The following CCDC33 variants were observed in gnomAD, a reference collection of about 807,000 sequenced individuals.
The protein encoded by CCDC33 is coiled-coil domain-containing protein 33.
In CCDC33, 94 loss-of-function variants were observed where a neutral mutation model predicts 91.9. The observed-to-expected ratio is 1.02, with a 90% CI of 0.87 to 1.21. The LOEUF (loss-of-function observed/expected upper bound fraction) is 1.21. Ranked by LOEUF, CCDC33 falls within the 50% of genes most tolerant of loss-of-function variation. The pLI, the probability that CCDC33 is intolerant of heterozygous loss-of-function variation, is 0.00. For missense variants in CCDC33, 940 were observed against 935.5 expected (o/e 1.00, Z -0.06); for synonymous variants, 396 against 374.5 (o/e 1.06, Z -0.66).
intron 2 of CCDC33, among the ~76,000 whole-genome samples, chr15:74,253,404 G>A (rs528208902): frequency 6.6e-6 from 1 of 152,316 alleles, no homozygotes; most frequent in Admixed American, 6.5e-5. Flanking sequence ...TTGAGCAGGG[G>A]CTGGGGCTCT....
intron 2 of CCDC33, among the ~76,000 whole-genome samples, chr15:74,245,044 A>G (rs2075476965): frequency 1.3e-5 from 2 of 152,034 alleles, no homozygotes; most frequent in South Asian, 4.2e-4. Flanking sequence ...CCTGCCTTCA[A>G]AGCCTCCTCC....
chr15:74,268,427 G>A lies in CCDC33; in HGVS notation c.515G>A (p.Arg172His), dbSNP rs200334415. ...GTTCGGAAGAGCAGCTTCATACCCC[G>A]CTACATCGGCTGCAACCACATGGCT... ...TVVRKSSFIP[R>H]YIGCNHMALE... The change falls in exon 5 of 19, where the codon CGC (arginine) becomes CAC (histidine). Residue 172 changes from arginine (R) to histidine (H), a missense_variant. Coordinates refer to ENST00000398814, the MANE Select transcript of CCDC33 (RefSeq NM_025055.5). The A allele has an allele frequency of 9.5e-6, 15 of 1,579,688 alleles. No individual in the cohort carries two copies. The highest frequency in any genetic ancestry group is 3.5e-5 in the Admixed American group (2 of 57,576).
chr15:74,305,681 C>T (rs999454700), intron 11 of CCDC33, among the ~76,000 whole-genome samples: 6 of 152,216 alleles, frequency 3.9e-5, no homozygotes, highest in Non-Finnish European at 8.8e-5. Flanking sequence ...GGCACAGGCA[C>T]CTACTCATTC....
Position 74,231,188 on chromosome 15 carries a change from C to CCCTAAAGA in CCDC33, c.675+12329_675+12336dup, listed in dbSNP as rs796235666. Reference sequence around the variant, plus strand: ...CACCCTGGCCCACTCAGCAAGCAGACCCTAAAGACAGCAGCCTGCATCTAA... The same window carrying CCCTAAAGA: ...CACCCTGGCCCACTCAGCAAGCAGACCCTAAAGACCTAAAGACAGCAGCCTGCATCTAA... On this transcript the variant is annotated intron_variant, in intron 2 of 2. Transcript: ENST00000635913. Among the ~76,000 whole-genome samples the CCCTAAAGA allele has an allele frequency of 2.6e-5, 4 of 152,314 alleles. No individual in the cohort carries two copies. The South Asian group carries it at 8.3e-4, about 32-fold the overall frequency.
At position 74,268,446 on chromosome 15, in the gene CCDC33, C is replaced by T; in HGVS notation, c.534C>T (p.His178=). The change falls in exon 5 of 19, where the codon CAC becomes CAT. Residue 178 remains histidine, a synonymous_variant. Transcript: ENST00000398814. ...TACCCCGCTACATCGGCTGCAACCA[C>T]ATGGCTCTGGAGGTACCAGGGCTGG... is the stretch of plus-strand genomic sequence containing the variant. ...SFIPRYIGCN[H]MALEIFLRGV... 1.3e-6 allele frequency: 2 copies of T among 1,574,976 alleles called. No homozygotes were observed. Among genetic ancestry groups the T allele is most frequent in the Non-Finnish European group, 1.7e-6 (2 of 1,159,502 alleles).
At chr15:74,227,412 G>C (rs1252248367) in intron 2 of CCDC33, among the ~76,000 whole-genome samples, 4 of 152,212 alleles carry the variant, frequency 2.6e-5, no homozygotes, top group African/African-American at 9.6e-5. Context: ...GGATCACGGG[G>C]AAGCACTTTG....
intron 1 of CCDC33, among the ~76,000 whole-genome samples, chr15:74,240,519 A>G (rs967720273): frequency 2.0e-5 from 3 of 152,202 alleles, no homozygotes; most frequent in South Asian, 2.1e-4. Context: ...ACTATTCCAG[A>G]CATTCCCATT....
chr15:74,268,464 AG>A lies in CCDC33; in HGVS notation c.546+9del. ...GCAACCACATGGCTCTGGAGGTACC[AG>A]GGCTGGGGCCCTCTGGGGTGGTGGT... On this transcript the variant is annotated splice_region_variant and intron_variant, in intron 5 of 18. Coordinates refer to ENST00000398814, the MANE Select transcript of CCDC33 (RefSeq NM_025055.5). 2.4e-6 allele frequency: 3 copies of A among 1,259,814 alleles called. No individual in the cohort carries two copies. Among genetic ancestry groups the A allele is most frequent in the Non-Finnish European group, 3.3e-6 (3 of 917,568 alleles). The allele number at this position is 1,259,814 out of a possible 1,614,324, so 78.0% of individuals were successfully genotyped here.
intron 11 of CCDC33, among the ~76,000 whole-genome samples, chr15:74,321,368 G>C (rs1429488671): frequency 6.8e-6 from 1 of 147,588 alleles, no homozygotes; most frequent in Non-Finnish European, 1.5e-5. Context: ...CAGTTCAAGC[G>C]ATTCTCCCAC....
intron 18 of CCDC33, 153 bp from the exon 19 acceptor site, chr15:74,335,772 C>T: frequency 3.0e-6 from 2 of 663,670 alleles, no homozygotes; most frequent in East Asian, 5.1e-5. Flanking sequence ...TAGGTGTCAC[C>T]TGCTGTGGCA....
At chr15:74,289,920 C>A (rs941035295) in intron 10 of CCDC33, among the ~76,000 whole-genome samples, 1 of 152,184 alleles carries the variant, frequency 6.6e-6, no homozygotes, top group Non-Finnish European at 1.5e-5. Flanking sequence ...GGACATTGAA[C>A]ACTCCCTTCC....
intron 1 of CCDC33, among the ~76,000 whole-genome samples, chr15:74,206,470 G>A (rs1037977945): frequency 6.6e-6 from 1 of 152,238 alleles, no homozygotes; most frequent in African/African-American, 2.4e-5. Flanking sequence ...AGGAAGAGAA[G>A]GATGGTAATG....
upstream of CCDC33, among the ~76,000 whole-genome samples, chr15:74,234,200 G>A (rs2075073653): frequency 6.6e-6 from 1 of 152,218 alleles, no homozygotes; most frequent in Non-Finnish European, 1.5e-5. Flanking sequence ...CTCTCTAGTG[G>A]CCACATTTAA....
chr15:74,261,708 G>A (rs1396947220), intron 2 of CCDC33, among the ~76,000 whole-genome samples: 3 of 152,136 alleles, frequency 2.0e-5, no homozygotes, highest in South Asian at 2.1e-4. Context: ...CTGGATCTCC[G>A]ATATCTGTGG....
chr15:74,288,238 G>A (rs530251966), intron 10 of CCDC33, among the ~76,000 whole-genome samples: 1 of 152,222 alleles, frequency 6.6e-6, no homozygotes, highest in African/African-American at 2.4e-5. Context: ...TCCTCCCAGA[G>A]GCCAACTCCA....
At chr15:74,272,221 G>A (rs544316817) in intron 6 of CCDC33, among the ~76,000 whole-genome samples, 22 of 152,208 alleles carry the variant, frequency 1.4e-4, no homozygotes, top group African/African-American at 5.3e-4. Flanking sequence ...AGGGCCACAG[G>A]CTCCAGCCAG....
chr15:74,205,362 G>T (rs113761445), intron 1 of CCDC33, among the ~76,000 whole-genome samples: 2 of 152,182 alleles, frequency 1.3e-5, no homozygotes, highest in South Asian at 4.1e-4. Context: ...TCTGGGGAGG[G>T]CCTCAGGAAA....
chr15:74,290,813 C>T (rs1814156631), intron 10 of CCDC33, among the ~76,000 whole-genome samples: 1 of 152,090 alleles, frequency 6.6e-6, no homozygotes, highest in African/African-American at 2.4e-5. Flanking sequence ...TAAGAAAGGT[C>T]TTGGAGCAGC....
At chr15:74,221,872 C>T (rs777836737) in intron 2 of CCDC33, among the ~76,000 whole-genome samples, 12 of 152,170 alleles carry the variant, frequency 7.9e-5, no homozygotes, top group Non-Finnish European at 1.8e-4. Flanking sequence ...AGCGCTGCCT[C>T]CTGTCACCTC....
Sources: gnomAD v4.1 joint callset for allele counts (sites outside exome capture counted in the v4.1 genomes callset) on GRCh38, gnomAD v4.1.1 for gene constraint, MANE v1.5 for transcripts, NCBI Gene and HGNC (gene_info 2026-07-23, HGNC 2026-07-21) for gene names.